Variants in ACSM1 observed in about 807,000 individuals in gnomAD.
ACSM1 encodes acyl-CoA synthetase medium chain family member 1.
In ACSM1, 79 loss-of-function variants were observed where a neutral mutation model predicts 75.8. The ratio of observed to expected loss-of-function variants is 1.04; its 90% confidence interval spans 0.87 to 1.26. ACSM1 has a LOEUF of 1.26. Ranked by LOEUF, ACSM1 falls within the 50% of genes most tolerant of loss-of-function variation. The pLI is 0.00. For synonymous variants in ACSM1, 279 were observed against 265.8 expected (o/e 1.05, Z -0.48); for missense variants, 676 against 720.1 (o/e 0.94, Z 0.70).
intron 4 of ACSM1, among the ~76,000 whole-genome samples, chr16:20,672,495 T>TATATATAA (rs1418749231): frequency 1.4e-4 from 13 of 93,256 alleles, no homozygotes; most frequent in South Asian, 6.8e-4. Flanking sequence ...TATATATATA[T>TATATATAA]AAAAAACATA....
intron 2 of ACSM1, among the ~76,000 whole-genome samples, chr16:20,688,944 A>G (rs2079603024): frequency 6.7e-6 from 1 of 149,300 alleles, no homozygotes; most frequent in African/African-American, 2.4e-5. Context: ...CATAAAAATA[A>G]TTATAAATAT....
chr16:20,635,849 CA>C (rs1392180062), intron 10 of ACSM1, among the ~76,000 whole-genome samples: 1 of 152,072 alleles, frequency 6.6e-6, no homozygotes, highest in Non-Finnish European at 1.5e-5. Context: ...CTGTGTCAAC[CA>C]GGCTGGTTTC....
At chr16:20,633,365 T>G (rs903461518) in intron 10 of ACSM1, among the ~76,000 whole-genome samples, 1 of 152,192 alleles carries the variant, frequency 6.6e-6, no homozygotes, top group African/African-American at 2.4e-5. Flanking sequence ...ATTGCACTTC[T>G]GTGCACTAAA....
chr16:20,666,471 C>G (rs2019571140), intron 6 of ACSM1, among the ~76,000 whole-genome samples: 1 of 152,050 alleles, frequency 6.6e-6, no homozygotes. Flanking sequence ...TGAAAGAAAT[C>G]AGAGATGACA....
intron 4 of ACSM1, chr16:20,674,822 G>A (rs755304192): frequency 3.3e-5 from 5 of 152,382 alleles, no homozygotes; most frequent in South Asian, 4.1e-4. Context: ...CAGGAACCGC[G>A]GTAAGGAGAA....
chr16:20,637,772 C>T (rs2017812579), intron 8 of ACSM1, among the ~76,000 whole-genome samples: 1 of 152,182 alleles, frequency 6.6e-6, no homozygotes, highest in Non-Finnish European at 1.5e-5. Flanking sequence ...GTGTGGCATG[C>T]CCACCATTGA....
At chr16:20,672,471 A>AAAAAAAAAAAATATATATATAT in intron 4 of ACSM1, among the ~76,000 whole-genome samples, 1 of 64,572 alleles carries the variant, frequency 1.5e-5, no homozygotes, top group Non-Finnish European at 2.6e-5. Context: ...AAAAAAAAAA[A>AAAAAAAAAAAATATATATATAT]ATATATATAT....
chr16:20,662,806 T>G (rs1227757321), intron 6 of ACSM1, among the ~76,000 whole-genome samples: 2 of 152,100 alleles, frequency 1.3e-5, no homozygotes, highest in African/African-American at 4.8e-5. Context: ...CTTTTAAAAT[T>G]TTTGTCCTAC....
chr16:20,665,236 T>C (rs1204924170), intron 6 of ACSM1, among the ~76,000 whole-genome samples: 1 of 152,086 alleles, frequency 6.6e-6, no homozygotes, highest in Non-Finnish European at 1.5e-5. Context: ...ATAAACAATA[T>C]TGATAGACTG....
intron 12 of ACSM1, among the ~76,000 whole-genome samples, chr16:20,624,439 G>A (rs1375321536): frequency 1.3e-5 from 2 of 152,092 alleles, no homozygotes; most frequent in Non-Finnish European, 2.9e-5. Context: ...GTGAAATGGG[G>A]ACAATAAAGC....
At position 20,623,387 on chromosome 16, in the gene ACSM1, A is replaced by T; in HGVS notation, c.*99T>A. On this transcript the variant is annotated 3_prime_UTR_variant, in exon 14 of 14. Transcript: ENST00000520010. ...GCACTCCTGATACTTTCCCAAATCA[A>T]CACTCTCAATGCCCCACCCTCGTCC... is the stretch of plus-strand genomic sequence containing the variant. 1 of 1,017,982 alleles carries T rather than the reference A, an allele frequency of 9.8e-7. No homozygotes were observed. The highest frequency in any genetic ancestry group is 1.5e-6 in the Non-Finnish European group (1 of 665,928). 63.1% of individuals were successfully genotyped at this position (1,017,982 alleles called of 1,614,324 possible).
At chr16:20,694,224 G>A (rs796716556) in intron 1 of ACSM1, among the ~76,000 whole-genome samples, 4 of 152,302 alleles carry the variant, frequency 2.6e-5, no homozygotes, top group South Asian at 2.1e-4. Flanking sequence ...GTGAGGTCCC[G>A]TTCCAGCCAG....
chr16:20,647,709 CT>C (rs1006152956), intron 7 of ACSM1, among the ~76,000 whole-genome samples: 7 of 152,038 alleles, frequency 4.6e-5, no homozygotes, highest in Non-Finnish European at 7.4e-5. Flanking sequence ...AATGACATTT[CT>C]CTTTTACAAA....
At position 20,631,365 on chromosome 16, in the gene ACSM1, A is replaced by T. The variant is rs551291656; in HGVS notation, c.1300-4049T>A. Among the ~76,000 whole-genome samples, 10 of 152,352 alleles carry T rather than the reference A, an allele frequency of 6.6e-5. No homozygotes were observed. The South Asian group carries it at 1.7e-3, about 25-fold the overall frequency. ...TGCAAAAATTGTCATTGTTAAAAAA[A>T]TCAGAAAACAATAGATTTTGGCATG... On this transcript the variant is annotated intron_variant, in intron 10 of 13. Coordinates refer to ENST00000520010, the MANE Select transcript of ACSM1 (RefSeq NM_001318890.3).
At chr16:20,633,693 A>G (rs163242) in intron 10 of ACSM1, among the ~76,000 whole-genome samples, 44,547 of 151,980 alleles carry the variant, frequency 0.29, 7,983 homozygotes, top group African/African-American at 0.5. Context: ...TAAAATGCAT[A>G]TAGAATCTCA....
chr16:20,647,602 G>T (rs948568613), intron 7 of ACSM1, among the ~76,000 whole-genome samples: 1 of 152,044 alleles, frequency 6.6e-6, no homozygotes, highest in Non-Finnish European at 1.5e-5. Context: ...ATGACCAACT[G>T]GCAATTCAAG....
chr16:20,651,743 A>G (rs1307745398), intron 7 of ACSM1, among the ~76,000 whole-genome samples: 1 of 152,106 alleles, frequency 6.6e-6, no homozygotes, highest in Non-Finnish European at 1.5e-5. Context: ...AAAAAAAACT[A>G]GTCAAATGCT....
rs563066159 is a variant in ACSM1 at position 20,678,760 on chromosome 16, G to A, written c.611+3496C>T. Among the ~76,000 whole-genome samples, 6 of 152,306 alleles carry A rather than the reference G, an allele frequency of 3.9e-5. No individual in the cohort carries two copies. In the South Asian group the frequency reaches 8.3e-4, roughly 21 times the overall value. Reference sequence around the variant, plus strand: ...ACAGACTGCAGAGCTCAGGTAAAGCGAAGAGCATGAACCAGACACTAAAAC... The same window carrying A: ...ACAGACTGCAGAGCTCAGGTAAAGCAAAGAGCATGAACCAGACACTAAAAC... On this transcript the variant is annotated intron_variant, in intron 4 of 13. Coordinates refer to ENST00000520010, the MANE Select transcript of ACSM1 (RefSeq NM_001318890.3).
At chr16:20,645,343 C>T (rs1596829486) in intron 7 of ACSM1, among the ~76,000 whole-genome samples, 1 of 152,290 alleles carries the variant, frequency 6.6e-6, no homozygotes, top group African/African-American at 2.4e-5. Flanking sequence ...GTGCTGTCAT[C>T]CCTATGTTCT....
Sources: gnomAD v4.1 joint callset for allele counts (sites outside exome capture counted in the v4.1 genomes callset) on GRCh38, gnomAD v4.1.1 for gene constraint, MANE v1.5 for transcripts, NCBI Gene and HGNC (gene_info 2026-07-23, HGNC 2026-07-21) for gene names.